ASTN2: variants seen among roughly 807,000 people sequenced by gnomAD.
ASTN2 encodes the protein astrotactin-2.
Under a neutral mutation model 139.8 loss-of-function variants are expected in ASTN2, and 54 were observed. The observed-to-expected ratio is 0.39, with a 90% CI of 0.31 to 0.48. The LOEUF is 0.48. Among genes scored for constraint, ASTN2 ranks in the 20% least tolerant of loss-of-function variants. ASTN2 has a pLI of 0.95. For missense variants in ASTN2, 1,565 were observed against 1,725.1 expected (o/e 0.91, Z 1.64); for synonymous variants, 756 against 719.5 (o/e 1.05, Z -0.81).
At chr9:116,495,549 C>A (rs182199448) in intron 19 of ASTN2, among the ~76,000 whole-genome samples, 1 of 152,322 alleles carries the variant, frequency 6.6e-6, no homozygotes, top group Admixed American at 6.5e-5. Context: ...ATTTCAGATA[C>A]ATGAGTTAGT....
At chr9:116,569,651 T>C (rs897163901) in intron 19 of ASTN2, among the ~76,000 whole-genome samples, 32 of 152,172 alleles carry the variant, frequency 2.1e-4, no homozygotes, top group African/African-American at 5.8e-4. Flanking sequence ...CCTTCCTTCT[T>C]TTCTCTACGT....
chr9:116,604,249 G>T (rs530688695), intron 19 of ASTN2, among the ~76,000 whole-genome samples: 3 of 152,240 alleles, frequency 2.0e-5, no homozygotes, highest in Admixed American at 2.0e-4. Flanking sequence ...TTGTGATATA[G>T]AAGGCAGGCT....
intron 2 of ASTN2, among the ~76,000 whole-genome samples, chr9:117,242,960 T>C (rs927384225): frequency 1.1e-4 from 17 of 152,244 alleles, no homozygotes; most frequent in African/African-American, 3.9e-4. Flanking sequence ...CAATAAATAT[T>C]AAGTAATTAA....
At chr9:117,287,983 G>A (rs1396406733) in intron 2 of ASTN2, among the ~76,000 whole-genome samples, 1 of 152,200 alleles carries the variant, frequency 6.6e-6, no homozygotes, top group Admixed American at 6.5e-5. Context: ...GAGGCATGAA[G>A]GGATGTGCCT....
At chr9:116,621,993 T>A (rs369220072) in intron 17 of ASTN2, among the ~76,000 whole-genome samples, 226 of 152,348 alleles carry the variant, frequency 1.5e-3, no homozygotes, top group African/African-American at 5.4e-3. Flanking sequence ...AGAATGTTGA[T>A]CTTTTATTCC....
chr9:117,354,510 A>G (rs1409422497), intron 1 of ASTN2, among the ~76,000 whole-genome samples: 1 of 152,184 alleles, frequency 6.6e-6, no homozygotes, highest in Non-Finnish European at 1.5e-5. Context: ...AGCCATGAAA[A>G]CTGAGTTAAC....
intron 19 of ASTN2, among the ~76,000 whole-genome samples, chr9:116,504,040 A>G (rs1850001885): frequency 6.6e-6 from 1 of 152,200 alleles, no homozygotes; most frequent in Non-Finnish European, 1.5e-5. Context: ...ATCCTGAGGC[A>G]TCATCTGTTT....
chr9:116,835,234 A>G (rs1410404680), intron 11 of ASTN2, among the ~76,000 whole-genome samples: 1 of 152,138 alleles, frequency 6.6e-6, no homozygotes, highest in African/African-American at 2.4e-5. Context: ...TACAAATCAT[A>G]AATTCTCATC....
At chr9:116,759,845 C>T (rs1829630495) in intron 13 of ASTN2, among the ~76,000 whole-genome samples, 1 of 152,082 alleles carries the variant, frequency 6.6e-6, no homozygotes, top group Admixed American at 6.5e-5. Context: ...GCTATTTTAC[C>T]AACATCCAGA....
intron 7 of ASTN2, among the ~76,000 whole-genome samples, chr9:116,994,494 T>C (rs74358750): frequency 0.045 from 6,881 of 152,286 alleles, 226 homozygotes; most frequent in East Asian, 0.15. Flanking sequence ...GTTCTGCTCT[T>C]TACTCTGTCA....
At chr9:117,378,745 C>T (rs1333954969) in intron 1 of ASTN2, among the ~76,000 whole-genome samples, 4 of 152,132 alleles carry the variant, frequency 2.6e-5, no homozygotes, top group African/African-American at 7.2e-5. Flanking sequence ...TGGGTCCTTC[C>T]TACTCATCAA....
intron 5 of ASTN2, among the ~76,000 whole-genome samples, chr9:117,042,312 A>G (rs1229756344): frequency 1.3e-5 from 2 of 152,124 alleles, no homozygotes. Flanking sequence ...GAAGGAGAAG[A>G]TCCCACCTTC....
intron 19 of ASTN2, among the ~76,000 whole-genome samples, chr9:116,509,036 T>C (rs913788260): frequency 1.3e-5 from 2 of 152,152 alleles, no homozygotes; most frequent in Non-Finnish European, 2.9e-5. Context: ...TAATTTAAGT[T>C]CTAGGGTACA....
chr9:116,810,823 C>A (rs1273155990), intron 12 of ASTN2, among the ~76,000 whole-genome samples: 1 of 152,060 alleles, frequency 6.6e-6, no homozygotes, highest in Non-Finnish European at 1.5e-5. Context: ...CCCCTGGGCT[C>A]GATGGCTTCT....
At chr9:117,181,884 C>T (rs976786908) in intron 3 of ASTN2, among the ~76,000 whole-genome samples, 7 of 152,184 alleles carry the variant, frequency 4.6e-5, no homozygotes, top group Non-Finnish European at 8.8e-5. Flanking sequence ...AAGCAAGAGG[C>T]GTCCTCTCAG....
chr9:116,460,451 A>G (rs1460680512), intron 20 of ASTN2, among the ~76,000 whole-genome samples: 1 of 152,186 alleles, frequency 6.6e-6, no homozygotes, highest in East Asian at 1.9e-4. Flanking sequence ...CAGTGGAGTC[A>G]GGAGGATCCT....
chr9:117,178,495 C>A (rs1332522438), intron 3 of ASTN2, among the ~76,000 whole-genome samples: 1 of 152,162 alleles, frequency 6.6e-6, no homozygotes, highest in Admixed American at 6.5e-5. Context: ...AGATATATGT[C>A]CAACAGGAGA....
At chr9:117,295,755 A>T (rs1834715173) in intron 1 of ASTN2, among the ~76,000 whole-genome samples, 2 of 152,102 alleles carry the variant, frequency 1.3e-5, no homozygotes, top group South Asian at 4.2e-4. Flanking sequence ...GAATTAAAAA[A>T]AAAAAAGAAG....
At chr9:116,526,722 A>T (rs1213350427) in intron 19 of ASTN2, among the ~76,000 whole-genome samples, 1 of 152,100 alleles carries the variant, frequency 6.6e-6, no homozygotes, top group African/African-American at 2.4e-5. Context: ...TTGATTCATC[A>T]TGATTTTTAG....
Sources: gnomAD v4.1 joint callset for allele counts (sites outside exome capture counted in the v4.1 genomes callset) on GRCh38, gnomAD v4.1.1 for gene constraint, MANE v1.5 for transcripts, NCBI Gene and HGNC (gene_info 2026-07-23, HGNC 2026-07-21) for gene names.